FRMD3: variants seen among roughly 807,000 people sequenced by gnomAD.
The protein encoded by FRMD3 is FERM domain-containing protein 3.
Under a neutral mutation model 70.2 loss-of-function variants are expected in FRMD3, and 33 were observed. The observed-to-expected ratio is 0.47, with a 90% CI of 0.36 to 0.63. FRMD3 has a LOEUF of 0.63. FRMD3 is among the 20% of genes least tolerant of loss of function. The probability of loss-of-function intolerance (pLI) is 0.00; values close to 1 mark genes in which losing one functional copy is unlikely to be tolerated. For synonymous variants in FRMD3, 279 were observed against 255.9 expected (o/e 1.09, Z -0.86); for missense variants, 632 against 711.4 (o/e 0.89, Z 1.27).
Position 83,311,874 on chromosome 9 carries a change from A to G in FRMD3, c.773+13T>C. The G allele has an allele frequency of 6.3e-7, 1 of 1,577,814 alleles. No individual in the cohort carries two copies. Among genetic ancestry groups the G allele is most frequent in the South Asian group, 1.1e-5 (1 of 88,750 alleles). On this transcript the variant is annotated intron_variant, in intron 8 of 13. Coordinates refer to ENST00000304195, the MANE Select transcript of FRMD3 (RefSeq NM_174938.6). Reference sequence around the variant, plus strand: ...AGAAAAATGGAAAGCCAGTTTTCCAAAGAGGCACTTACCATTTTATCAAAT... The same window carrying G: ...AGAAAAATGGAAAGCCAGTTTTCCAGAGAGGCACTTACCATTTTATCAAAT...
Position 83,424,960 on chromosome 9 carries a change from T to A in FRMD3, c.148-35252A>T, listed in dbSNP as rs533253903. Among the ~76,000 whole-genome samples the A allele has an allele frequency of 5.4e-4, 82 of 152,310 alleles. 1 individual carries two copies. The South Asian group carries it at 0.016, about 29-fold the overall frequency. Reference sequence around the variant, plus strand: ...TCCTGCGCTACTGCTCCAACTAGTATGAAAAACTAGTTTACAAGTAGATGA... The same window carrying A: ...TCCTGCGCTACTGCTCCAACTAGTAAGAAAAACTAGTTTACAAGTAGATGA... On this transcript the variant is annotated intron_variant, in intron 1 of 13. Coordinates refer to ENST00000304195, the MANE Select transcript of FRMD3 (RefSeq NM_174938.6).
chr9:83,419,242 C>T (rs1307489616), intron 1 of FRMD3, among the ~76,000 whole-genome samples: 2 of 152,082 alleles, frequency 1.3e-5, no homozygotes, highest in African/African-American at 2.4e-5. Context: ...CTATGTAATT[C>T]ATCTGTATAA....
chr9:83,450,193 G>A (rs898498634), intron 1 of FRMD3, among the ~76,000 whole-genome samples: 2 of 142,970 alleles, frequency 1.4e-5, no homozygotes, highest in African/African-American at 5.4e-5. Context: ...AGGCATGTGT[G>A]TGTGTGCACC....
chr9:83,247,481 T>A lies in FRMD3; in HGVS notation c.*437A>T. ...AAAACCCAGCATAAATTTAGTTGTA[T>A]AGGCATTGGTTAGAGGACACTGTTT... On this transcript the variant is annotated 3_prime_UTR_variant, in exon 14 of 14. Transcript: ENST00000304195. 10 of 984,564 alleles carry A rather than the reference T, an allele frequency of 1.0e-5. No homozygotes were observed. Among genetic ancestry groups the A allele is most frequent in the Non-Finnish European group, 1.1e-5 (9 of 828,780 alleles). 61.0% of individuals were successfully genotyped at this position (984,564 alleles called of 1,614,324 possible).
chr9:83,556,650 AT>A, the FRMD3 span, among the ~76,000 whole-genome samples: 4 of 151,942 alleles, frequency 2.6e-5, no homozygotes, highest in African/African-American at 9.7e-5. Context: ...TGCTTTTGGA[AT>A]TTTCAATTAG....
chr9:83,429,008 G>A lies in FRMD3; in HGVS notation c.148-39300C>T, dbSNP rs1476511740. 4.0e-5 allele frequency among the ~76,000 whole-genome samples: 6 copies of A among 151,882 alleles called. No homozygotes were observed. The South Asian group carries it at 6.3e-4, about 16-fold the overall frequency. On this transcript the variant is annotated intron_variant, in intron 1 of 13. Coordinates refer to ENST00000304195, the MANE Select transcript of FRMD3 (RefSeq NM_174938.6). ...TATGTAATAGCAACAAATAATGGAC[G>A]GCATGGCCTCCTTAGGAAAAAATGA...
intron 2 of FRMD3, among the ~76,000 whole-genome samples, chr9:83,384,401 C>A (rs1376291453): frequency 6.6e-6 from 1 of 152,178 alleles, no homozygotes; most frequent in Non-Finnish European, 1.5e-5. Flanking sequence ...GGCTTCCTGG[C>A]ACCATCCCCA....
chr9:83,409,981 G>A (rs1826234129), intron 1 of FRMD3, among the ~76,000 whole-genome samples: 1 of 152,106 alleles, frequency 6.6e-6, no homozygotes, highest in Non-Finnish European at 1.5e-5. Flanking sequence ...AGCCCTCAAT[G>A]CCATTTCTAC....
intron 10 of FRMD3, among the ~76,000 whole-genome samples, chr9:83,301,563 T>C (rs1310057858): frequency 6.6e-6 from 1 of 152,140 alleles, no homozygotes; most frequent in Non-Finnish European, 1.5e-5. Context: ...ATTGGGTTTT[T>C]AAAATTCAAA....
chr9:83,322,424 C>T (rs1835836616), intron 6 of FRMD3, among the ~76,000 whole-genome samples: 1 of 152,212 alleles, frequency 6.6e-6, no homozygotes, highest in Non-Finnish European at 1.5e-5. Context: ...TCAGTCTCAA[C>T]AGCAGCTCAC....
In FRMD3 at chr9:83,335,385, T is replaced by C. The variant is rs538717345; in HGVS notation, c.596+131A>G. 3.9e-5 allele frequency: 35 copies of C among 896,252 alleles called. 1 individual carries two copies. The South Asian group carries it at 5.9e-4, about 15-fold the overall frequency. The allele number at this position is 896,252 out of a possible 1,614,324, so 55.5% of individuals were successfully genotyped here. A position where few individuals can be genotyped will look rare whatever the true frequency, so the allele number is the denominator to read the frequency against. On this transcript the variant is annotated intron_variant, in intron 6 of 13. Coordinates refer to ENST00000304195, the MANE Select transcript of FRMD3 (RefSeq NM_174938.6). ...TGTCCTTGACAGTGCCCAGAAAAAT[T>C]GCGCTGCCACGCAAAACAGCCTATC...
intron 5 of FRMD3, among the ~76,000 whole-genome samples, chr9:83,335,976 C>A (rs1485147379): frequency 1.3e-5 from 2 of 152,108 alleles, no homozygotes; most frequent in Non-Finnish European, 2.9e-5. Flanking sequence ...AACTGTAGGA[C>A]ATTTAGTAGC....
At chr9:83,356,757 G>T (rs1447105197) in intron 3 of FRMD3, among the ~76,000 whole-genome samples, 1 of 151,196 alleles carries the variant, frequency 6.6e-6, no homozygotes, top group African/African-American at 2.4e-5. Flanking sequence ...TTTTTATTTC[G>T]ATAGGTTTTT....
intron 6 of FRMD3, among the ~76,000 whole-genome samples, chr9:83,314,272 G>A (rs150248154): frequency 1.1e-4 from 17 of 152,096 alleles, no homozygotes; most frequent in Admixed American, 3.3e-4. Context: ...ACTGTCCTGC[G>A]AGGTGGTAAA....
At chr9:83,333,159 G>A (rs1363582640) in intron 6 of FRMD3, among the ~76,000 whole-genome samples, 1 of 152,190 alleles carries the variant, frequency 6.6e-6, no homozygotes, top group African/African-American at 2.4e-5. Flanking sequence ...CTGCACTGAT[G>A]CTGAATGAAA....
chr9:83,515,950 A>T (rs1204843866), intron 1 of FRMD3, among the ~76,000 whole-genome samples: 1 of 152,216 alleles, frequency 6.6e-6, no homozygotes, highest in African/African-American at 2.4e-5. Flanking sequence ...GGCCTGCCTT[A>T]CAAGAGCTCC....
chr9:83,467,503 C>T (rs1828160315), intron 1 of FRMD3: 5 of 769,028 alleles, frequency 6.5e-6, no homozygotes, highest in Non-Finnish European at 1.1e-5. Flanking sequence ...TTCACATCCC[C>T]TTCTAATTTG....
At chr9:83,344,882 G>A (rs1823902546) in intron 4 of FRMD3, among the ~76,000 whole-genome samples, 1 of 147,912 alleles carries the variant, frequency 6.8e-6, no homozygotes, top group Non-Finnish European at 1.5e-5. Context: ...TATTTCTCTG[G>A]AGAACCTCAA....
At chr9:83,559,606 C>T in the FRMD3 span, among the ~76,000 whole-genome samples, 2 of 152,106 alleles carry the variant, frequency 1.3e-5, no homozygotes, top group Non-Finnish European at 2.9e-5. Flanking sequence ...GTGAAGGGTG[C>T]CCTAATATTG....
Sources: gnomAD v4.1 joint callset for allele counts (sites outside exome capture counted in the v4.1 genomes callset) on GRCh38, gnomAD v4.1.1 for gene constraint, MANE v1.5 for transcripts, NCBI Gene and HGNC (gene_info 2026-07-23, HGNC 2026-07-21) for gene names.